Variants in SLC45A4 observed in about 807,000 individuals in gnomAD.
SLC45A4 encodes polyamine-transporter SLC45A4.
Under a neutral mutation model 63.7 loss-of-function variants are expected in SLC45A4, and 32 were observed. The observed-to-expected ratio is 0.50, with a 90% CI of 0.38 to 0.67. The LOEUF (loss-of-function observed/expected upper bound fraction) is 0.67, where lower values mean the gene tolerates loss of function less well. Among genes scored for constraint, SLC45A4 ranks in the 30% least tolerant of loss-of-function variants. SLC45A4 has a pLI of 0.00. For synonymous variants in SLC45A4, 535 were observed against 510.0 expected (o/e 1.05, Z -0.66); for missense variants, 1,027 against 1,157.7 (o/e 0.89, Z 1.64).
At chr8:141,238,169 A>G (rs1424462920) in intron 2 of SLC45A4, among the ~76,000 whole-genome samples, 1 of 152,182 alleles carries the variant, frequency 6.6e-6, no homozygotes, top group Admixed American at 6.5e-5. Context: ...CGAGTCTCCG[A>G]ACCCTCTCCC....
chr8:141,250,635 C>T (rs1828418561), intron 2 of SLC45A4, among the ~76,000 whole-genome samples: 1 of 152,198 alleles, frequency 6.6e-6, no homozygotes, highest in Non-Finnish European at 1.5e-5. Flanking sequence ...CCACCTGGGC[C>T]TCCCAAAGTG....
chr8:141,257,322 T>A (rs1000632827), intron 1 of SLC45A4, among the ~76,000 whole-genome samples: 64 of 152,230 alleles, frequency 4.2e-4, no homozygotes, highest in African/African-American at 1.5e-3. Context: ...TGTACCAGAA[T>A]AGGGTCAATG....
intron 1 of SLC45A4, among the ~76,000 whole-genome samples, chr8:141,276,956 C>T (rs1829751260): frequency 6.6e-6 from 1 of 152,248 alleles, no homozygotes; most frequent in Non-Finnish European, 1.5e-5. Context: ...CCGGCCTAAG[C>T]ACTGCCCTCC....
intron 1 of SLC45A4, among the ~76,000 whole-genome samples, chr8:141,286,746 G>A (rs1226005964): frequency 1.9e-4 from 10 of 52,156 alleles, no homozygotes; most frequent in Non-Finnish European, 3.6e-4. Flanking sequence ...CCGCCCCCCC[G>A]CTCCCCACCA....
chr8:141,275,259 T>C (rs980207923), intron 1 of SLC45A4, among the ~76,000 whole-genome samples: 2 of 152,214 alleles, frequency 1.3e-5, no homozygotes, highest in African/African-American at 4.8e-5. Context: ...CTTGGGATTA[T>C]GGACAGCAGC....
rs368195957 is a variant in SLC45A4, at chr8:141,221,589, C to A, written c.418G>T (p.Gly140Cys). Residue 140 changes from glycine to cysteine, a missense_variant, in exon 3 of 9, where the codon GGC becomes TGC. By Grantham distance (159) the Gly-to-Cys change is radical (BLOSUM62 -3). Transcript: ENST00000517878. The part of the protein sequence containing the change: ...VLFGVALFLN[G>C]SAIGLALGDV... ...CCGAGAAACTTACCGATGGCAGAGC[C>A]GTTAAGGAAAAGTGCAACGCCAAAG... is the stretch of plus-strand genomic sequence containing the variant. 1 of 1,612,578 alleles carries A rather than the reference C, an allele frequency of 6.2e-7. No homozygotes were observed. The highest frequency in any genetic ancestry group is 8.5e-7 in the Non-Finnish European group (1 of 1,179,692).
Position 141,278,367 on chromosome 8 carries a change from TA to T in SLC45A4, c.-400-23739del, listed in dbSNP as rs1345892897. 1 of 151,560 alleles carries T rather than the reference TA, an allele frequency of 6.6e-6. No individual in the cohort carries two copies. The highest frequency in any genetic ancestry group is 6.6e-5 in the Admixed American group (1 of 15,204). 9.4% of individuals were successfully genotyped at this position (151,560 alleles called of 1,614,324 possible). ...GGCGAGACTGGGTGAGCACAACCCA[TA>T]AGGACACTAGCGGGACAGGGGTGAG... On this transcript the variant is annotated intron_variant, in intron 1 of 8. Transcript: ENST00000517878. The surrounding 1 kb of genome is among the most constrained non-coding windows in gnomAD (Gnocchi z 4.1).
intron 1 of SLC45A4, among the ~76,000 whole-genome samples, chr8:141,266,042 AAAGGT>A (rs1829251348): frequency 6.6e-6 from 1 of 152,214 alleles, no homozygotes; most frequent in Non-Finnish European, 1.5e-5. Flanking sequence ...ATTTCACCAA[AAAGGT>A]AACTGGAGAG....
chr8:141,215,905 G>T lies in SLC45A4; in HGVS notation c.1795C>A (p.Leu599Met). ...ACGGCTGTGCCGACAGAGAAGCCCAGCGTCCCCAGCACGTAGATCACCCTG... is the reference window on the plus strand; with the variant it reads ...ACGGCTGTGCCGACAGAGAAGCCCATCGTCCCCAGCACGTAGATCACCCTG... The part of the protein sequence containing the change: ...SVRVIYVLGT[L>M]GFSVGTAVMA... The change falls in exon 7 of 9, where the codon CTG (leucine) becomes ATG (methionine). Residue 599 changes from leucine to methionine, a missense_variant. By Grantham distance (15) the Leu-to-Met change is conservative (BLOSUM62 2). Coordinates refer to ENST00000517878, the MANE Select transcript of SLC45A4 (RefSeq NM_001286646.2). The surrounding 1 kb of genome is among the most constrained non-coding windows in gnomAD (Gnocchi z 4.3). 2 of 1,614,132 alleles carry T rather than the reference G, an allele frequency of 1.2e-6. No individual in the cohort carries two copies. Among genetic ancestry groups the T allele is most frequent in the South Asian group, 2.2e-5 (2 of 91,088 alleles).
chr8:141,254,709 G>A lies in SLC45A4; in HGVS notation c.-400-80C>T, dbSNP rs567695216. On this transcript the variant is annotated intron_variant, in intron 1 of 8. Coordinates refer to ENST00000517878, the MANE Select transcript of SLC45A4 (RefSeq NM_001286646.2). The surrounding 1 kb of genome is among the most constrained non-coding windows in gnomAD (Gnocchi z 4.5). ...CCCTGTGGACCGCCGCCCGACCCCC[G>A]AGCAAGCCGTGTGCCCCGAGGGCCC... The A allele has an allele frequency of 6.5e-4, 452 of 690,988 alleles. 6 individuals are homozygous for A. The highest frequency in any genetic ancestry group is 6.5e-3 in the South Asian group (434 of 66,618). The allele number at this position is 690,988 out of a possible 1,614,324, so 42.8% of individuals were successfully genotyped here.
chr8:141,303,057 G>C (rs1029002375), intron 1 of SLC45A4, among the ~76,000 whole-genome samples: 1 of 149,180 alleles, frequency 6.7e-6, no homozygotes, highest in Non-Finnish European at 1.5e-5. Flanking sequence ...TGCAGTGTGG[G>C]TGTGATCTCC....
chr8:141,265,416 G>A (rs983227510), intron 1 of SLC45A4, among the ~76,000 whole-genome samples: 1 of 152,220 alleles, frequency 6.6e-6, no homozygotes, highest in Non-Finnish European at 1.5e-5. Context: ...TGCCAGCGCG[G>A]GGCGTGTTCT....
intron 6 of SLC45A4, among the ~76,000 whole-genome samples, 200 bp downstream of exon 6, chr8:141,216,890 C>T (rs914473672): frequency 1.3e-5 from 2 of 152,238 alleles, no homozygotes; most frequent in African/African-American, 4.8e-5. Context: ...CTTCTGGTGC[C>T]AGCCCACAGC....
At chr8:141,259,784 G>A (rs1828974226) in intron 1 of SLC45A4, among the ~76,000 whole-genome samples, 1 of 152,188 alleles carries the variant, frequency 6.6e-6, no homozygotes, top group Admixed American at 6.5e-5. Context: ...AATGGGCAAC[G>A]TCCATGCTTC....
intron 1 of SLC45A4, among the ~76,000 whole-genome samples, chr8:141,255,156 G>A (rs1434702370): frequency 6.6e-6 from 1 of 152,136 alleles, no homozygotes; most frequent in African/African-American, 2.4e-5. Context: ...GCGGTCACAC[G>A]ACCATGGCTC....
chr8:141,230,567 G>C (rs1216308870), intron 2 of SLC45A4, among the ~76,000 whole-genome samples: 1 of 152,236 alleles, frequency 6.6e-6, no homozygotes, highest in Non-Finnish European at 1.5e-5. Flanking sequence ...GGGGGAGGTA[G>C]GGCCCTGGTG....
intron 7 of SLC45A4, among the ~76,000 whole-genome samples, chr8:141,214,335 G>A (rs1826010966): frequency 1.3e-5 from 2 of 152,164 alleles, no homozygotes; most frequent in South Asian, 2.1e-4. Context: ...TAAGTAACAG[G>A]TACGAAGGAT....
intron 2 of SLC45A4, among the ~76,000 whole-genome samples, chr8:141,238,797 C>T (rs1827752124): frequency 6.6e-6 from 1 of 152,180 alleles, no homozygotes; most frequent in Non-Finnish European, 1.5e-5. Flanking sequence ...GTGCCTGCAC[C>T]CACAGTACAG....
In SLC45A4 at chr8:141,227,891, C is replaced by T. The variant is rs1403958379; in HGVS notation, c.242-6126G>A. ...TTCCCACTCCAACACCCACGGCCCA[C>T]CCAGCCCCTCCCGGAGTGCCAGCCA... On this transcript the variant is annotated intron_variant, in intron 2 of 8. Coordinates refer to ENST00000517878, the MANE Select transcript of SLC45A4 (RefSeq NM_001286646.2). This position sits in a 1 kb window ranked among gnomAD's most constrained non-coding sequence, Gnocchi z 4.4. 1.3e-5 allele frequency among the ~76,000 whole-genome samples: 2 copies of T among 152,202 alleles called. No homozygotes were observed. Among genetic ancestry groups the T allele is most frequent in the African/African-American group, 4.8e-5 (2 of 41,454 alleles).
Sources: gnomAD v4.1 joint callset for allele counts (sites outside exome capture counted in the v4.1 genomes callset) on GRCh38, gnomAD v4.1.1 for gene constraint, Gnocchi (gnomAD v3.1) non-coding constraint, MANE v1.5 for transcripts, NCBI Gene and HGNC (gene_info 2026-07-23, HGNC 2026-07-21) for gene names.